Variants in ABI3BP observed in about 807,000 individuals in gnomAD.
The protein encoded by ABI3BP is ABI family member 3 binding protein.
Under a neutral mutation model 268.6 loss-of-function variants are expected in ABI3BP, and 216 were observed. The observed-to-expected ratio is 0.80, with a 90% CI of 0.72 to 0.90. The LOEUF is 0.90. Among genes scored for constraint, ABI3BP ranks in the 40% least tolerant of loss-of-function variants. The probability of loss-of-function intolerance (pLI) is 0.00; values close to 1 mark genes in which losing one functional copy is unlikely to be tolerated. For missense variants in ABI3BP, 2,090 were observed against 2,182.4 expected, an observed-to-expected ratio of 0.96 and a Z score of 0.84; for synonymous variants, 730 against 730.0, an observed-to-expected ratio of 1.00 and a Z score of 0.00.
chr3:100,778,600 A>G, intron 58 of ABI3BP: 1 of 516,416 alleles, frequency 1.9e-6, no homozygotes, highest in African/African-American at 2.0e-5. Flanking sequence ...TATATAGAAA[A>G]CATGTCCTCA....
intron 9 of ABI3BP, among the ~76,000 whole-genome samples, chr3:100,873,439 G>A (rs1273093872): frequency 1.3e-5 from 2 of 151,954 alleles, no homozygotes; most frequent in Admixed American, 1.3e-4. Context: ...GGAGGGAAAG[G>A]GGGAAAAAGG....
chr3:100,827,291 C>T lies in ABI3BP; in HGVS notation c.2602+1102G>A, dbSNP rs1373746321. ...TCTACTACAAAAAGGGAAGATCCTG[C>T]AGGTCTCTTCTAAACTGACTCCTTG... On this transcript the variant is annotated intron_variant, in intron 34 of 67. Coordinates refer to ENST00000471714, the MANE Select transcript of ABI3BP (RefSeq NM_001375547.2). Among the ~76,000 whole-genome samples, 3 of 152,116 alleles carry T rather than the reference C, an allele frequency of 2.0e-5. 1 individual carries two copies. Among genetic ancestry groups the T allele is most frequent in the African/African-American group, 7.2e-5 (3 of 41,424 alleles).
chr3:100,755,810 T>C (rs531448990), intron 63 of ABI3BP, among the ~76,000 whole-genome samples: 1 of 152,336 alleles, frequency 6.6e-6, no homozygotes, highest in South Asian at 2.1e-4. Flanking sequence ...CAGCTAATAA[T>C]ATTTTGAGAG....
chr3:100,837,067 A>G (rs556502422), intron 27 of ABI3BP, 57 bp downstream of exon 27: 1 of 1,423,570 alleles, frequency 7.0e-7, no homozygotes, highest in South Asian at 1.3e-5. Flanking sequence ...ATGAAAAAAG[A>G]GATGAGAGGC....
rs933764197 is a variant in ABI3BP at position 100,769,131 on chromosome 3, G to T, written c.4741+1612C>A. On this transcript the variant is annotated intron_variant, in intron 62 of 67. Coordinates refer to ENST00000471714, the MANE Select transcript of ABI3BP (RefSeq NM_001375547.2). ...AAACAATCGCTTTTGAAATCAAGTG[G>T]TATTTAAGGGAACACTAAAACAAAA... Among the ~76,000 whole-genome samples the T allele has an allele frequency of 4.6e-5, 7 of 152,146 alleles. 1 individual carries two copies. The highest frequency in any genetic ancestry group is 8.8e-5 in the Non-Finnish European group (6 of 68,006).
Position 100,820,260 on chromosome 3 carries a change from A to G in ABI3BP, c.2991T>C (p.Thr997=). ...GAACCTCAGGACTTGGTGTGGTTTT[A>G]GTTTTGGGACGTGGACGACGAGTTC... is the stretch of plus-strand genomic sequence containing the variant. ...SQRTRRPRPK[T]KTTPSPEVPQ... Residue 997 remains threonine (T), a synonymous_variant, in exon 40 of 68, where the codon ACT becomes ACC. Transcript: ENST00000471714. The G allele has an allele frequency of 6.5e-7, 1 of 1,536,314 alleles. No homozygotes were observed. The highest frequency in any genetic ancestry group is 8.7e-7 in the Non-Finnish European group (1 of 1,146,898).
rs141056873 is a variant in ABI3BP, at chr3:100,922,489, G to A, written c.259+3813C>T. Among the ~76,000 whole-genome samples, 585 of 151,924 alleles carry A rather than the reference G, an allele frequency of 3.9e-3. 5 individuals carry two copies. The highest frequency in any genetic ancestry group is 4.1e-3 in the Non-Finnish European group (278 of 67,988). On this transcript the variant is annotated intron_variant, in intron 2 of 67. Coordinates refer to ENST00000471714, the MANE Select transcript of ABI3BP (RefSeq NM_001375547.2). ...CACAAGGGCCCTTAAAAGTAGAAGA[G>A]GAAAGCAAGAAAGGGGGCCAGGGTG...
chr3:100,848,690 G>T, intron 18 of ABI3BP, 111 bp downstream of exon 18: 2 of 1,039,266 alleles, frequency 1.9e-6, no homozygotes, highest in East Asian at 2.6e-5. Context: ...GCCTCCCAAA[G>T]TGCTGGAGTT....
intron 1 of ABI3BP, among the ~76,000 whole-genome samples, chr3:100,953,327 G>T (rs1397862877): frequency 6.6e-6 from 1 of 152,050 alleles, no homozygotes; most frequent in African/African-American, 2.4e-5. Flanking sequence ...AAAACAGCAC[G>T]TGACTCCTTA....
rs144604645 is a variant in ABI3BP, at chr3:100,869,330, G to GTTTTTTTTTTTT, written c.911-2386_911-2375dup. 1.6e-3 allele frequency among the ~76,000 whole-genome samples: 78 copies of GTTTTTTTTTTTT among 49,750 alleles called. 9 individuals are homozygous for GTTTTTTTTTTTT. The highest frequency in any genetic ancestry group is 5.0e-3 in the African/African-American group (61 of 12,204). The allele number at this position is 49,750 out of a possible 152,430, so 32.6% of individuals were successfully genotyped here. ...ATATTGTTTTTTCTTCTTCTTTTTGGTTTTTTTTTTTTTTTTTTTTTTTTT... is the reference window on the plus strand; with the variant it reads ...ATATTGTTTTTTCTTCTTCTTTTTGGTTTTTTTTTTTTTTTTTTTTTTTTTTTTTTTTTTTTT... On this transcript the variant is annotated intron_variant, in intron 9 of 67. Coordinates refer to ENST00000471714, the MANE Select transcript of ABI3BP (RefSeq NM_001375547.2).
rs1304084121 is a variant in ABI3BP at position 100,846,551 on chromosome 3, A to G, written c.1649-105T>C. ...AGAAATAAACTATACATTAAATGGA[A>G]TGAACTCATCGTCTTGGAAGATTTT... On this transcript the variant is annotated intron_variant, in intron 19 of 67. Coordinates refer to ENST00000471714, the MANE Select transcript of ABI3BP (RefSeq NM_001375547.2). 1.7e-4 allele frequency: 128 copies of G among 731,814 alleles called. 1 individual carries two copies. The East Asian group carries it at 3.5e-3, about 20-fold the overall frequency. 45.3% of individuals were successfully genotyped at this position (731,814 alleles called of 1,614,324 possible). A position where few individuals can be genotyped will look rare whatever the true frequency, so the allele number is the denominator to read the frequency against.
chr3:100,853,391 A>T (rs1318741599), intron 14 of ABI3BP, among the ~76,000 whole-genome samples: 2 of 152,232 alleles, frequency 1.3e-5, no homozygotes, highest in Non-Finnish European at 2.9e-5. Context: ...TTCTGATCTT[A>T]AGCTTATTTT....
At position 100,750,091 on chromosome 3, in the gene ABI3BP, G is replaced by A; in HGVS notation, c.*404C>T. On this transcript the variant is annotated 3_prime_UTR_variant, in exon 68 of 68. Transcript: ENST00000471714. ...AAGTTAAACTAAGTAGAGATTTATG[G>A]AATTAACTCATCAATAGGAAGAGTA... is the stretch of plus-strand genomic sequence containing the variant. 4.2e-6 allele frequency: 1 copy of A among 237,868 alleles called. No homozygotes were observed. Among genetic ancestry groups the A allele is most frequent in the Non-Finnish European group, 8.0e-6 (1 of 125,388 alleles). 14.7% of individuals were successfully genotyped at this position (237,868 alleles called of 1,614,324 possible). A position where few individuals can be genotyped will look rare whatever the true frequency, so the allele number is the denominator to read the frequency against.
chr3:100,882,023 T>G (rs2039533786), intron 6 of ABI3BP, among the ~76,000 whole-genome samples: 1 of 152,204 alleles, frequency 6.6e-6, no homozygotes, highest in Non-Finnish European at 1.5e-5. Flanking sequence ...GACCTAAAAT[T>G]TATTTATCTG....
intron 33 of ABI3BP, 72 bp from the exon 34 acceptor site, chr3:100,828,524 A>G: frequency 7.3e-7 from 1 of 1,362,870 alleles, no homozygotes; most frequent in South Asian, 1.3e-5. Flanking sequence ...ACATTCAAAA[A>G]GAATTTTACG....
At chr3:100,894,960 A>AAAAAAAAC (rs2046846681) in intron 4 of ABI3BP, among the ~76,000 whole-genome samples, 1 of 145,488 alleles carries the variant, frequency 6.9e-6, no homozygotes, top group African/African-American at 2.5e-5. Context: ...AAAAAAAAAA[A>AAAAAAAAC]AAAAAAACAG....
At chr3:100,782,181 G>T (rs1335959732) in intron 57 of ABI3BP, among the ~76,000 whole-genome samples, 1 of 152,198 alleles carries the variant, frequency 6.6e-6, no homozygotes, top group African/African-American at 2.4e-5. Flanking sequence ...GGGTGTGTGG[G>T]ACTCAGAAGG....
At chr3:100,839,658 T>C in intron 23 of ABI3BP, 42 bp from the exon 24 acceptor site, 1 of 1,530,910 alleles carries the variant, frequency 6.5e-7, no homozygotes, top group Non-Finnish European at 8.8e-7. Flanking sequence ...TTTCAAGAAG[T>C]GGCATCGTGA....
intron 37 of ABI3BP, among the ~76,000 whole-genome samples, chr3:100,823,016 C>T (rs1031171441): frequency 6.6e-6 from 1 of 151,982 alleles, no homozygotes; most frequent in Non-Finnish European, 1.5e-5. Flanking sequence ...CAATTTTTGG[C>T]ACATATTCTA....
Sources: gnomAD v4.1 joint callset for allele counts (sites outside exome capture counted in the v4.1 genomes callset) on GRCh38, gnomAD v4.1.1 for gene constraint, MANE v1.5 for transcripts, NCBI Gene and HGNC (gene_info 2026-07-23, HGNC 2026-07-21) for gene names.